The following EXD3 variants were observed in gnomAD, a reference collection of about 807,000 sequenced individuals.
The protein encoded by EXD3 is exonuclease 3'-5' domain containing 3, also known as exonuclease mut-7 homolog.
A neutral mutation model predicts 98.0 loss-of-function variants in EXD3; 92 were observed. That is an observed-to-expected ratio of 0.94 (90% CI 0.79 to 1.12). The LOEUF is 1.12. Ranked by LOEUF, EXD3 falls within the 50% of genes most tolerant of loss-of-function variation. EXD3 has a pLI of 0.00. For missense variants in EXD3, 1,222 were observed against 1,191.6 expected (o/e 1.03, Z -0.38); for synonymous variants, 569 against 526.0 (o/e 1.08, Z -1.12).
At chr9:137,417,405 C>A (rs1326978877) in intron 1 of EXD3, among the ~76,000 whole-genome samples, 1 of 152,216 alleles carries the variant, frequency 6.6e-6, no homozygotes, top group Non-Finnish European at 1.5e-5. Flanking sequence ...AACCTGACCA[C>A]GGGTTCCGCG....
At position 137,393,069 on chromosome 9, in the gene EXD3, G is replaced by A. The variant is rs1045502400; in HGVS notation, c.55+2234C>T. The A allele has an allele frequency of 7.7e-6, 5 of 652,836 alleles. No individual in the cohort carries two copies. The highest frequency in any genetic ancestry group is 8.2e-6 in the Non-Finnish European group (3 of 365,934). 40.4% of individuals were successfully genotyped at this position (652,836 alleles called of 1,614,324 possible). On this transcript the variant is annotated intron_variant, in intron 2 of 21. Coordinates refer to ENST00000340951, the MANE Select transcript of EXD3 (RefSeq NM_017820.5). The surrounding 1 kb of genome is among the most constrained non-coding windows in gnomAD (Gnocchi z 4.6). ...GGGGGTGCTGAGGCTGTTCCAGGGG[G>A]CACCGAGGCTGTTCTCGGTGGGGGT...
intron 14 of EXD3, 79 bp downstream of exon 14, chr9:137,350,959 G>A (rs1276349115): frequency 8.6e-7 from 1 of 1,160,394 alleles, no homozygotes; most frequent in Non-Finnish European, 1.2e-6. Context: ...GGGCCGCTGG[G>A]AAGGTGTGGA....
intron 2 of EXD3, among the ~76,000 whole-genome samples, 155 bp from the exon 3 acceptor site, chr9:137,383,532 A>G (rs1836430656): frequency 6.6e-6 from 1 of 151,998 alleles, no homozygotes; most frequent in Admixed American, 6.5e-5. Flanking sequence ...TGGCACACAC[A>G]CAACACACCT....
At position 137,385,367 on chromosome 9, in the gene EXD3, T is replaced by C. The variant is rs1460628930; in HGVS notation, c.56-1990A>G. On this transcript the variant is annotated intron_variant, in intron 2 of 21. Transcript: ENST00000340951. This position sits in a 1 kb window ranked among gnomAD's most constrained non-coding sequence, Gnocchi z 4.4. The stretch of plus-strand genomic sequence containing the variant: ...GGCAGGCAGTGTGACTGGCCCCGCA[T>C]TCTGGGTGCTGCATGCTGGGCATGG... Among the ~76,000 whole-genome samples, 2 of 151,770 alleles carry C rather than the reference T, an allele frequency of 1.3e-5. No individual in the cohort carries two copies. The highest frequency in any genetic ancestry group is 2.9e-5 in the Non-Finnish European group (2 of 67,912).
chr9:137,381,910 T>A (rs1836292548), intron 3 of EXD3, among the ~76,000 whole-genome samples: 1 of 151,526 alleles, frequency 6.6e-6, no homozygotes, highest in Non-Finnish European at 1.5e-5. Flanking sequence ...AATCCGGGAA[T>A]GTGATGGAGG....
At chr9:137,377,516 G>A (rs867204550) in intron 3 of EXD3, among the ~76,000 whole-genome samples, 1 of 150,824 alleles carries the variant, frequency 6.6e-6, no homozygotes, top group African/African-American at 2.4e-5. Flanking sequence ...GCTCATGCCT[G>A]TAATCCCAGC....
intron 10 of EXD3, chr9:137,353,084 C>T (rs1463645987): frequency 2.4e-6 from 3 of 1,234,956 alleles, no homozygotes; most frequent in Admixed American, 8.6e-5. Flanking sequence ...TCAGCCCCAG[C>T]TGGCCCCTCC....
intron 7 of EXD3, among the ~76,000 whole-genome samples, chr9:137,362,835 A>G (rs563476326): frequency 1.1e-4 from 17 of 151,950 alleles, no homozygotes; most frequent in Middle Eastern, 6.8e-3. Flanking sequence ...TTTGAGATGG[A>G]GTTTCACTCT....
At position 137,329,360 on chromosome 9, in the gene EXD3, A is replaced by G. The variant is rs371381111; in HGVS notation, c.1999-5217T>C. Among the ~76,000 whole-genome samples the G allele has an allele frequency of 1.8e-3, 15 of 8,374 alleles. 1 individual carries two copies. Among genetic ancestry groups the G allele is most frequent in the Admixed American group, 2.7e-3 (2 of 738 alleles). 5.5% of individuals were successfully genotyped at this position (8,374 alleles called of 152,430 possible). On this transcript the variant is annotated intron_variant, in intron 17 of 21. Coordinates refer to ENST00000340951, the MANE Select transcript of EXD3 (RefSeq NM_017820.5). ...ACGGGGCTACACGGGGCTACACGGG[A>G]CTACACGGGAGCTACACGGGAGCTA... is the stretch of plus-strand genomic sequence containing the variant.
intron 2 of EXD3, among the ~76,000 whole-genome samples, chr9:137,388,782 G>A (rs1021431087): frequency 1.8e-4 from 28 of 152,120 alleles, no homozygotes; most frequent in African/African-American, 6.8e-4. Flanking sequence ...CTCCAAGGCC[G>A]TCCCACACCT....
At chr9:137,402,141 G>A (rs147345561) in intron 1 of EXD3, among the ~76,000 whole-genome samples, 2,591 of 152,122 alleles carry the variant, frequency 0.017, 76 homozygotes, top group African/African-American at 0.059. Context: ...TCAGCCTCCT[G>A]AGTAGCTGGG....
At chr9:137,363,103 A>AC (rs1279921313) in intron 7 of EXD3, among the ~76,000 whole-genome samples, 1 of 151,880 alleles carries the variant, frequency 6.6e-6, no homozygotes, top group Non-Finnish European at 1.5e-5. Context: ...GAGTCACCAC[A>AC]CCCAGCCCTC....
chr9:137,333,114 G>A lies in EXD3; in HGVS notation c.1999-8971C>T, dbSNP rs530116282. Among the ~76,000 whole-genome samples the A allele has an allele frequency of 5.3e-5, 8 of 152,228 alleles. No homozygotes were observed. In the South Asian group the frequency reaches 1.0e-3, roughly 20 times the overall value. ...GAAGAGCAGACTTGCTGAGGCTTCC[G>A]GCCCCATCTTTCTCCCGTGCTGGAT... is the stretch of plus-strand genomic sequence containing the variant. On this transcript the variant is annotated intron_variant, in intron 17 of 21. Coordinates refer to ENST00000340951, the MANE Select transcript of EXD3 (RefSeq NM_017820.5).
chr9:137,307,541 G>C, intron 21 of EXD3, 67 bp downstream of exon 21: 1 of 1,583,522 alleles, frequency 6.3e-7, no homozygotes, highest in Non-Finnish European at 8.6e-7. Context: ...CCCCCATTCT[G>C]GGGGAAGCCT....
In EXD3 at chr9:137,370,745, G is replaced by A. The variant is rs574997655; in HGVS notation, c.462+2160C>T. Among the ~76,000 whole-genome samples the A allele has an allele frequency of 2.0e-5, 3 of 150,984 alleles. No homozygotes were observed. The East Asian group carries it at 5.8e-4, about 29-fold the overall frequency. On this transcript the variant is annotated intron_variant, in intron 5 of 21. Transcript: ENST00000340951. ...AGGCTCGAAGGCCGAGGACCCCAGC[G>A]ACAGCCCTGCCTCCCACCTCTGCGT...
chr9:137,369,433 G>A lies in EXD3; in HGVS notation c.463-1444C>T, dbSNP rs1205282180. ...ACCGCAGGGTGGTCACAACCCGCCC[G>A]CCCTCTGCTCCTCCTGCCGCATGTG... is the stretch of plus-strand genomic sequence containing the variant. On this transcript the variant is annotated intron_variant, in intron 5 of 21. Transcript: ENST00000340951. 2.0e-5 allele frequency among the ~76,000 whole-genome samples: 3 copies of A among 152,204 alleles called. No individual in the cohort carries two copies. The East Asian group carries it at 5.8e-4, about 29-fold the overall frequency.
chr9:137,349,171 C>T lies in EXD3; in HGVS notation c.1769G>A (p.Arg590Lys), dbSNP rs1361164548. The part of the protein sequence containing the change: ...AGSRRPRHRE[R>K]PGARKPPGLQ... ...GCCGGGTGGCTTCCGTGCCCCTGGT[C>T]TCTCTCTGTGCCTGGGCCTCCGGCT... Residue 590 changes from arginine (R) to lysine (K), a missense_variant, in exon 16 of 22, where the codon AGA becomes AAA. Arg to Lys is a conservative substitution (Grantham distance 26, BLOSUM62 2). Transcript: ENST00000340951. This position sits in a 1 kb window ranked among gnomAD's most constrained non-coding sequence, Gnocchi z 7.4. 2.5e-6 allele frequency: 4 copies of T among 1,594,522 alleles called. No homozygotes were observed. Among genetic ancestry groups the T allele is most frequent in the Non-Finnish European group, 3.4e-6 (4 of 1,176,520 alleles).
At chr9:137,312,186 T>G (rs1452958255) in intron 19 of EXD3, among the ~76,000 whole-genome samples, 1 of 151,562 alleles carries the variant, frequency 6.6e-6, no homozygotes, top group Non-Finnish European at 1.5e-5. Context: ...GTCAAGGCTG[T>G]GGGTCCAGAG....
chr9:137,390,119 CAAA>C (rs34716316), intron 2 of EXD3, among the ~76,000 whole-genome samples: 2 of 23,382 alleles, frequency 8.6e-5, no homozygotes, highest in African/African-American at 1.8e-4. Context: ...GAGACTCTGT[CAAA>C]AAAAAAAAAA....
Sources: gnomAD v4.1 joint callset for allele counts (sites outside exome capture counted in the v4.1 genomes callset) on GRCh38, gnomAD v4.1.1 for gene constraint, Gnocchi (gnomAD v3.1) non-coding constraint, MANE v1.5 for transcripts, NCBI Gene and HGNC (gene_info 2026-07-23, HGNC 2026-07-21) for gene names.